Variants in CNTLN observed in about 807,000 individuals in gnomAD.
CNTLN encodes the protein centlein, centrosomal protein.
In CNTLN, 212 loss-of-function variants were observed where a neutral mutation model predicts 180.0. The ratio of observed to expected loss-of-function variants is 1.18; its 90% CI spans 1.05 to 1.32. CNTLN has a LOEUF of 1.32. Ranked by LOEUF, CNTLN falls within the 40% of genes most tolerant of loss-of-function variation. The pLI is 0.00. For synonymous variants in CNTLN, 722 were observed against 563.1 expected (o/e 1.28, Z -3.99); for missense variants, 2,095 against 1,610.9 (o/e 1.30, Z -5.14).
At chr9:17,365,699 C>T (rs1823760105) in intron 12 of CNTLN, among the ~76,000 whole-genome samples, 1 of 152,142 alleles carries the variant, frequency 6.6e-6, no homozygotes, top group South Asian at 2.1e-4. Flanking sequence ...GTGGCTCATG[C>T]CTGTGATCCC....
intron 23 of CNTLN, among the ~76,000 whole-genome samples, chr9:17,468,431 T>C (rs539321017): frequency 6.6e-6 from 1 of 151,696 alleles, no homozygotes. Flanking sequence ...TTACTCATGA[T>C]GTAGAACCAT....
intron 6 of CNTLN, among the ~76,000 whole-genome samples, chr9:17,288,537 A>G (rs1678899500): frequency 7.3e-6 from 1 of 136,172 alleles, no homozygotes; most frequent in Non-Finnish European, 1.5e-5. Flanking sequence ...CTTGGTGCAG[A>G]GCTGAGTTCA....
At chr9:17,258,449 T>G (rs1826683320) in intron 5 of CNTLN, among the ~76,000 whole-genome samples, 1 of 151,460 alleles carries the variant, frequency 6.6e-6, no homozygotes, top group African/African-American at 2.5e-5. Flanking sequence ...TAGGATTGAC[T>G]TGGCGATGCG....
intron 2 of CNTLN, among the ~76,000 whole-genome samples, chr9:17,197,224 T>C (rs984677615): frequency 6.6e-6 from 1 of 152,206 alleles, no homozygotes; most frequent in Admixed American, 6.5e-5. Flanking sequence ...TATTTTCATA[T>C]ATTGACTGTT....
At chr9:17,226,080 A>T in intron 2 of CNTLN, 123 bp from the exon 3 acceptor site, 1 of 482,106 alleles carries the variant, frequency 2.1e-6, no homozygotes, top group Non-Finnish European at 3.7e-6. Flanking sequence ...GTCACTTGCC[A>T]TGTGGTCAAC....
chr9:17,421,635 G>T (rs530754148), intron 18 of CNTLN, among the ~76,000 whole-genome samples: 2 of 152,004 alleles, frequency 1.3e-5, no homozygotes, highest in Admixed American at 1.3e-4. Context: ...TTGTTTTGTG[G>T]TCCTCTCTTT....
chr9:17,318,486 G>T (rs771779535), intron 8 of CNTLN, among the ~76,000 whole-genome samples: 10 of 152,136 alleles, frequency 6.6e-5, no homozygotes, highest in African/African-American at 2.4e-4. Flanking sequence ...AGGAGTTAGA[G>T]CCTGTAAATA....
chr9:17,496,952 G>A (rs1440328500), intron 25 of CNTLN, among the ~76,000 whole-genome samples: 1 of 152,186 alleles, frequency 6.6e-6, no homozygotes, highest in African/African-American at 2.4e-5. Context: ...CTGGCTTTGT[G>A]AGAAGACAAC....
In CNTLN at chr9:17,353,791, C is replaced by T. The variant is rs569206907; in HGVS notation, c.1886+11347C>T. ...GCGTGCTGGCAGCCCTCAGAGCCCT[C>T]GCTTGCTCTCCGCACCTCCTCTACC... On this transcript the variant is annotated intron_variant, in intron 12 of 25. Transcript: ENST00000380647. Among the ~76,000 whole-genome samples, 22 of 152,190 alleles carry T rather than the reference C, an allele frequency of 1.4e-4. No individual in the cohort carries two copies. The South Asian group carries it at 1.4e-3, about 10-fold the overall frequency.
At chr9:17,462,796 T>G (rs769188520) in intron 19 of CNTLN, 120 bp from the exon 20 acceptor site, 6 of 419,456 alleles carry the variant, frequency 1.4e-5, no homozygotes, top group Non-Finnish European at 2.6e-5. Flanking sequence ...AATATTCATT[T>G]TAATTATTGT....
At chr9:17,169,639 C>G (rs115328399) in intron 2 of CNTLN, among the ~76,000 whole-genome samples, 2 of 151,838 alleles carry the variant, frequency 1.3e-5, no homozygotes, top group East Asian at 3.9e-4. Context: ...TTTCTCGGTA[C>G]CATTTATTGA....
intron 6 of CNTLN, among the ~76,000 whole-genome samples, chr9:17,275,836 A>G (rs1172956210): frequency 6.6e-6 from 1 of 152,150 alleles, no homozygotes; most frequent in Non-Finnish European, 1.5e-5. Flanking sequence ...GAGTTTGATT[A>G]TAAGGACCTA....
chr9:17,327,466 G>A (rs1820380198), intron 8 of CNTLN, among the ~76,000 whole-genome samples: 1 of 149,096 alleles, frequency 6.7e-6, no homozygotes, highest in Non-Finnish European at 1.5e-5. Context: ...TTACAGGCAT[G>A]AGCCACCGCA....
intron 19 of CNTLN, among the ~76,000 whole-genome samples, chr9:17,458,783 A>T (rs1488273915): frequency 6.6e-6 from 1 of 151,946 alleles, no homozygotes; most frequent in Non-Finnish European, 1.5e-5. Flanking sequence ...TAGTCAATTT[A>T]TGTGTATAAC....
intron 6 of CNTLN, among the ~76,000 whole-genome samples, chr9:17,290,262 C>T (rs935547611): frequency 2.0e-5 from 3 of 151,786 alleles, no homozygotes. Flanking sequence ...GTTGGAATAC[C>T]CTGCCATGTG....
intron 12 of CNTLN, among the ~76,000 whole-genome samples, chr9:17,348,004 G>A (rs914094612): frequency 6.6e-6 from 1 of 151,888 alleles, no homozygotes. Context: ...GCTATTTTTT[G>A]TATTTTTGTA....
In CNTLN at chr9:17,340,819, T is replaced by G. The variant is rs1021541081; in HGVS notation, c.1645-8T>G. 3.7e-6 allele frequency: 6 copies of G among 1,605,008 alleles called. No homozygotes were observed. Among genetic ancestry groups the G allele is most frequent in the Admixed American group, 3.4e-5 (2 of 58,460 alleles). On this transcript the variant is annotated splice_region_variant and splice_polypyrimidine_tract_variant and intron_variant, in intron 10 of 25. Coordinates refer to ENST00000380647, the MANE Select transcript of CNTLN (RefSeq NM_017738.4). The stretch of plus-strand genomic sequence containing the variant: ...ACTTATATATACTTGCTTTTTTGTG[T>G]TCTACAGAGCCAAGAAAATGATGAG...
chr9:17,310,315 A>G (rs1348384323), intron 8 of CNTLN, among the ~76,000 whole-genome samples: 1 of 152,092 alleles, frequency 6.6e-6, no homozygotes, highest in African/African-American at 2.4e-5. Flanking sequence ...TAGTCATTCA[A>G]AAAAATGATA....
chr9:17,187,050 T>C lies in CNTLN; in HGVS notation c.450-39153T>C, dbSNP rs181503100. ...TAATACTTTACCTTGACCAGCAACA[T>C]GATTTCTGACCCCTGATCTACCTGC... On this transcript the variant is annotated intron_variant, in intron 2 of 25. Coordinates refer to ENST00000380647, the MANE Select transcript of CNTLN (RefSeq NM_017738.4). Among the ~76,000 whole-genome samples, 159 of 152,202 alleles carry C rather than the reference T, an allele frequency of 1.0e-3. 1 individual carries two copies. The highest frequency in any genetic ancestry group is 3.6e-3 in the African/African-American group (151 of 41,566).
Sources: gnomAD v4.1 joint callset for allele counts (sites outside exome capture counted in the v4.1 genomes callset) on GRCh38, gnomAD v4.1.1 for gene constraint, MANE v1.5 for transcripts, NCBI Gene and HGNC (gene_info 2026-07-23, HGNC 2026-07-21) for gene names.